Variants in ANKRD33B observed in about 807,000 individuals in gnomAD.
ANKRD33B encodes ankyrin repeat domain-containing protein 33B.
In ANKRD33B, 6 loss-of-function variants were observed where a neutral mutation model predicts 21.5. The ratio of observed to expected loss-of-function variants is 0.28; its 90% CI spans 0.15 to 0.55. ANKRD33B has a LOEUF of 0.55. Among genes scored for constraint, ANKRD33B ranks in the 20% least tolerant of loss-of-function variants. ANKRD33B has a pLI of 0.94. For missense variants in ANKRD33B, 698 were observed against 747.2 expected, an observed-to-expected ratio of 0.93 and a Z score of 0.77; for synonymous variants, 347 against 342.4, an observed-to-expected ratio of 1.01 and a Z score of -0.15.
At chr5:10,605,538 T>TG (rs1386807368) in intron 1 of ANKRD33B, among the ~76,000 whole-genome samples, 1 of 151,974 alleles carries the variant, frequency 6.6e-6, no homozygotes, top group Admixed American at 6.6e-5. Flanking sequence ...TTCTTCCTTT[T>TG]TTTTTTTGAG....
rs1363934533 is a variant in ANKRD33B at position 10,592,851 on chromosome 5, T to C, written c.367-25482T>C. Among the ~76,000 whole-genome samples the C allele has an allele frequency of 2.6e-5, 4 of 152,168 alleles. No individual in the cohort carries two copies. The East Asian group carries it at 7.7e-4, about 29-fold the overall frequency. On this transcript the variant is annotated intron_variant, in intron 1 of 3. Transcript: ENST00000296657. ...AGGCAGTGGAGATGATTGTGTGCAA[T>C]GGTAGTGGAGTTTTTTGCTGACTTG...
chr5:10,638,955 C>G, intron 3 of ANKRD33B, among the ~76,000 whole-genome samples: 1 of 96,526 alleles, frequency 1.0e-5, no homozygotes, highest in Middle Eastern at 6.5e-3. Context: ...GCGGGTGACG[C>G]GGAGTTGCAC....
chr5:10,620,396 T>A (rs1736395132), intron 2 of ANKRD33B, among the ~76,000 whole-genome samples: 1 of 152,052 alleles, frequency 6.6e-6, no homozygotes, highest in Non-Finnish European at 1.5e-5. Flanking sequence ...GACCTCTAAG[T>A]AAAGAGGTCT....
At chr5:10,616,801 C>A (rs1736294612) in intron 1 of ANKRD33B, among the ~76,000 whole-genome samples, 1 of 152,238 alleles carries the variant, frequency 6.6e-6, no homozygotes, top group Non-Finnish European at 1.5e-5. Flanking sequence ...GTTACGAGGT[C>A]TCTTCGTCAA....
chr5:10,584,631 A>C (rs1203623985), intron 1 of ANKRD33B, among the ~76,000 whole-genome samples: 2 of 152,202 alleles, frequency 1.3e-5, no homozygotes, highest in African/African-American at 4.8e-5. Context: ...CCTCTTTTTC[A>C]GTTTAATGTA....
chr5:10,598,689 T>C (rs1243388106), intron 1 of ANKRD33B, among the ~76,000 whole-genome samples: 3 of 152,040 alleles, frequency 2.0e-5, no homozygotes, highest in African/African-American at 7.2e-5. Flanking sequence ...AATCCTCCCA[T>C]CTCAGCCTCC....
Position 10,655,717 on chromosome 5 carries a change from C to T in ANKRD33B, c.*5604C>T, listed in dbSNP as rs1463844065. The T allele has an allele frequency of 6.6e-6, 1 of 152,324 alleles. No individual in the cohort carries two copies. Among genetic ancestry groups the T allele is most frequent in the East Asian group, 1.9e-4 (1 of 5,286 alleles). The allele number at this position is 152,324 out of a possible 1,614,324, so 9.4% of individuals were successfully genotyped here. Reference sequence around the variant, plus strand: ...CGCTTTTGCAGTATTTGGGGAAATTCTAACACATTTCCCGGGGATTTGCCC... The same window carrying T: ...CGCTTTTGCAGTATTTGGGGAAATTTTAACACATTTCCCGGGGATTTGCCC... On this transcript the variant is annotated 3_prime_UTR_variant, in exon 4 of 4. Transcript: ENST00000296657.
At chr5:10,604,190 C>CTTTT (rs374461177) in intron 1 of ANKRD33B, among the ~76,000 whole-genome samples, 2 of 99,354 alleles carry the variant, frequency 2.0e-5, no homozygotes, top group Non-Finnish European at 3.9e-5. Context: ...CCGCGCCTGG[C>CTTTT]TTTTTTTTTT....
At chr5:10,587,310 A>G (rs1292445056) in intron 1 of ANKRD33B, among the ~76,000 whole-genome samples, 3 of 152,114 alleles carry the variant, frequency 2.0e-5, no homozygotes, top group East Asian at 3.8e-4. Flanking sequence ...CATGTTGGCC[A>G]GACATGTCTT....
intron 2 of ANKRD33B, among the ~76,000 whole-genome samples, chr5:10,628,842 G>C (rs1049101506): frequency 6.6e-6 from 1 of 152,148 alleles, no homozygotes; most frequent in African/African-American, 2.4e-5. Flanking sequence ...CGTGGGTCAA[G>C]GGGCACCAGG....
chr5:10,636,164 TC>T (rs1210404295), intron 2 of ANKRD33B, among the ~76,000 whole-genome samples: 2 of 124,012 alleles, frequency 1.6e-5, no homozygotes, highest in African/African-American at 5.6e-5. Flanking sequence ...ATTCAGGTGT[TC>T]CTGGGGGGAG....
At chr5:10,570,511 G>GAA (rs1735157842) in intron 1 of ANKRD33B, among the ~76,000 whole-genome samples, 1 of 152,046 alleles carries the variant, frequency 6.6e-6, no homozygotes, top group Non-Finnish European at 1.5e-5. Flanking sequence ...GCTTCAGCTT[G>GAA]GCTGAAGCAT....
At chr5:10,572,646 C>G (rs573295947) in intron 1 of ANKRD33B, among the ~76,000 whole-genome samples, 4 of 152,216 alleles carry the variant, frequency 2.6e-5, no homozygotes, top group African/African-American at 9.6e-5. Context: ...GTCAGGCAGC[C>G]CCGTCTGGGC....
intron 1 of ANKRD33B, among the ~76,000 whole-genome samples, chr5:10,590,513 C>T (rs943088904): frequency 1.3e-5 from 2 of 152,172 alleles, no homozygotes; most frequent in African/African-American, 2.4e-5. Context: ...CCCTGGCCTG[C>T]GGGCCACATG....
chr5:10,592,751 T>C (rs937150198), intron 1 of ANKRD33B, among the ~76,000 whole-genome samples: 2 of 152,140 alleles, frequency 1.3e-5, no homozygotes, highest in Admixed American at 1.3e-4. Context: ...CTGTTCCCAC[T>C]TTCATTTCAT....
rs776094244 is a variant in ANKRD33B, at chr5:10,654,251, C to T, written c.*4138C>T. 4 of 152,426 alleles carry T rather than the reference C, an allele frequency of 2.6e-5. No homozygotes were observed. Among genetic ancestry groups the T allele is most frequent in the South Asian group, 4.1e-4 (2 of 4,830 alleles). The allele number at this position is 152,426 out of a possible 1,614,324, so 9.4% of individuals were successfully genotyped here. Reference sequence around the variant, plus strand: ...CTACACGGCTGTGCCTCTCCCACCCCGTCCTCTTTGCTCGGAAGGGAGACC... The same window carrying T: ...CTACACGGCTGTGCCTCTCCCACCCTGTCCTCTTTGCTCGGAAGGGAGACC... On this transcript the variant is annotated 3_prime_UTR_variant, in exon 4 of 4. Coordinates refer to ENST00000296657, the MANE Select transcript of ANKRD33B (RefSeq NM_001164440.2).
rs1170962251 is a variant in ANKRD33B, at chr5:10,650,843, CAT to C, written c.*731_*732del. On this transcript the variant is annotated 3_prime_UTR_variant, in exon 4 of 4. Coordinates refer to ENST00000296657, the MANE Select transcript of ANKRD33B (RefSeq NM_001164440.2). The stretch of plus-strand genomic sequence containing the variant: ...AATTATAAAACAATGGAGCGATAAA[CAT>C]GTATTTATTGCTAGAATTAAACTCA... The C allele has an allele frequency of 6.6e-6, 1 of 152,250 alleles. No homozygotes were observed. Among genetic ancestry groups the C allele is most frequent in the Non-Finnish European group, 1.5e-5 (1 of 68,016 alleles). 9.4% of individuals were successfully genotyped at this position (152,250 alleles called of 1,614,324 possible).
chr5:10,646,889 G>A (rs1396053332), intron 3 of ANKRD33B, among the ~76,000 whole-genome samples: 1 of 151,804 alleles, frequency 6.6e-6, no homozygotes, highest in East Asian at 1.9e-4. Flanking sequence ...GGCCACTGTG[G>A]GCCAACAGGC....
At chr5:10,613,630 G>T (rs933705468) in intron 1 of ANKRD33B, among the ~76,000 whole-genome samples, 1 of 152,072 alleles carries the variant, frequency 6.6e-6, no homozygotes, top group South Asian at 2.1e-4. Context: ...ATCATATGGG[G>T]TGGCTCACGC....
Sources: gnomAD v4.1 joint callset for allele counts (sites outside exome capture counted in the v4.1 genomes callset) on GRCh38, gnomAD v4.1.1 for gene constraint, MANE v1.5 for transcripts, NCBI Gene and HGNC (gene_info 2026-07-23, HGNC 2026-07-21) for gene names.